The following PCNX2 variants were observed in gnomAD, a reference collection of about 807,000 sequenced individuals.
PCNX2 encodes the protein pecanex-like protein 2.
In PCNX2, 168 loss-of-function variants were observed where a neutral mutation model predicts 223.8. The observed-to-expected ratio is 0.75, with a 90% CI of 0.66 to 0.85. The LOEUF is 0.85. Ranked by LOEUF, PCNX2 falls within the 40% of genes least tolerant of loss-of-function variation. PCNX2 has a pLI of 0.00. For synonymous variants in PCNX2, 1,006 were observed against 1,052.6 expected (o/e 0.96, Z 0.86); for missense variants, 2,507 against 2,675.5 (o/e 0.94, Z 1.39).
At chr1:233,265,306 A>G (rs1660271411) in intron 1 of PCNX2, among the ~76,000 whole-genome samples, 2 of 152,086 alleles carry the variant, frequency 1.3e-5, no homozygotes, top group African/African-American at 4.8e-5. Context: ...AGGGTTTCAT[A>G]GTACTCTAGT....
intron 9 of PCNX2, among the ~76,000 whole-genome samples, chr1:233,227,782 T>A (rs1657835331): frequency 6.6e-6 from 1 of 152,168 alleles, no homozygotes; most frequent in South Asian, 2.1e-4. Context: ...ATATTCAAAT[T>A]TTACTAAGAG....
At chr1:233,300,815 T>C in the PCNX2 span, among the ~76,000 whole-genome samples, 7 of 152,180 alleles carry the variant, frequency 4.6e-5, no homozygotes, top group Admixed American at 4.6e-4. Flanking sequence ...CCCCAGCCTC[T>C]GTCTTGGTGT....
chr1:233,258,792 G>T lies in PCNX2; in HGVS notation c.1070C>A (p.Thr357Asn). Residue 357 changes from threonine (T) to asparagine (N), a missense_variant, in exon 5 of 34, where the codon ACT (threonine) becomes AAT (asparagine). Physicochemically the swap from Thr to Asn is moderately conservative, Grantham distance 65. Transcript: ENST00000258229. ...VDSSDSEVAV[T>N]LIDTSQPGDP... is the part of the protein sequence containing the mutation. ...TCCGGGTTGAGAAGTATCGATGAGA[G>T]TAACAGCTACCTCACTATCTGAGGA... The T allele has an allele frequency of 6.2e-7, 1 of 1,613,900 alleles. No individual in the cohort carries two copies. The highest frequency in any genetic ancestry group is 8.5e-7 in the Non-Finnish European group (1 of 1,179,840).
At chr1:233,218,532 G>A (rs990833767) in intron 10 of PCNX2, among the ~76,000 whole-genome samples, 1 of 152,052 alleles carries the variant, frequency 6.6e-6, no homozygotes, top group South Asian at 2.1e-4. Flanking sequence ...TTACAGGCGT[G>A]AGCCACCGTG....
chr1:233,217,833 T>C lies in PCNX2; in HGVS notation c.2691+66A>G, dbSNP rs1657071658. 7 of 1,591,172 alleles carry C rather than the reference T, an allele frequency of 4.4e-6. No individual in the cohort carries two copies. The African/African-American group carries it at 9.4e-5, about 21-fold the overall frequency. On this transcript the variant is annotated intron_variant, in intron 12 of 33. Coordinates refer to ENST00000258229, the MANE Select transcript of PCNX2 (RefSeq NM_014801.4). ...CAGACTTGGCCCTTTGACTAGATTTTGGCTTTTTCCCTGTCTTCAACACAG... is the reference window on the plus strand; with the variant it reads ...CAGACTTGGCCCTTTGACTAGATTTCGGCTTTTTCCCTGTCTTCAACACAG...
At chr1:233,213,240 C>G (rs1681917268) in intron 12 of PCNX2, among the ~76,000 whole-genome samples, 1 of 152,010 alleles carries the variant, frequency 6.6e-6, no homozygotes, top group South Asian at 2.1e-4. Context: ...TAGAATCAGA[C>G]TAATAATTTT....
At chr1:233,238,205 GC>G (rs1215887357) in intron 8 of PCNX2, among the ~76,000 whole-genome samples, 3 of 152,274 alleles carry the variant, frequency 2.0e-5, no homozygotes, top group African/African-American at 7.2e-5. Flanking sequence ...GTTACTTGTA[GC>G]CCAAATCACA....
intron 1 of PCNX2, among the ~76,000 whole-genome samples, chr1:233,269,346 G>A (rs1660511707): frequency 6.6e-6 from 1 of 152,126 alleles, no homozygotes. Flanking sequence ...AACTAGAAGG[G>A]AAAATGAGGA....
chr1:233,259,042 G>A lies in PCNX2; in HGVS notation c.820C>T (p.Gln274Ter). Residue 274 changes from glutamine (Q) to a stop codon, truncating the protein, a stop_gained, in exon 5 of 34, where the codon CAG (glutamine) becomes TAG (stop). Transcript: ENST00000258229. LOFTEE classifies it high-confidence loss of function. ...ACTGAATTCTCACTCCCCCACGGCT[G>A]GAAAGAAACGTCTGTTTCTAGTAAG... Reference protein sequence around the residue: ...YDLLETDVSFQPWGSENSVLI... With the variant: ...YDLLETDVSF 1.2e-6 allele frequency: 2 copies of A among 1,613,974 alleles called. No individual in the cohort carries two copies. The highest frequency in any genetic ancestry group is 1.7e-6 in the Non-Finnish European group (2 of 1,179,880).
At position 233,286,689 on chromosome 1, in the gene PCNX2, CAG is replaced by C. The variant is rs538935348; in HGVS notation, c.153+8635_153+8636del. 1.7e-3 allele frequency among the ~76,000 whole-genome samples: 251 copies of C among 152,106 alleles called. 1 individual carries two copies. Among genetic ancestry groups the C allele is most frequent in the Non-Finnish European group, 3.0e-3 (207 of 67,972 alleles). The stretch of plus-strand genomic sequence containing the variant: ...AGAGAGACAAGGCTGGCAAGGAGAA[CAG>C]AGTCTCTGAGGGTGTGGAAAGGCAG... On this transcript the variant is annotated intron_variant, in intron 1 of 33. Coordinates refer to ENST00000258229, the MANE Select transcript of PCNX2 (RefSeq NM_014801.4).
upstream of PCNX2, among the ~76,000 whole-genome samples, chr1:233,296,260 C>T (rs1662114899): frequency 6.6e-6 from 1 of 152,152 alleles, no homozygotes; most frequent in Non-Finnish European, 1.5e-5. Flanking sequence ...TTAATCTAAG[C>T]TCTACCTGGT....
intron 22 of PCNX2, among the ~76,000 whole-genome samples, chr1:233,093,255 A>AT (rs1280244755): frequency 2.0e-5 from 3 of 152,222 alleles, no homozygotes; most frequent in Non-Finnish European, 2.9e-5. Context: ...TGGTCTCTAC[A>AT]CATATTAAAA....
chr1:233,050,807 A>G (rs1671977953), intron 25 of PCNX2, among the ~76,000 whole-genome samples: 1 of 152,216 alleles, frequency 6.6e-6, no homozygotes, highest in African/African-American at 2.4e-5. Context: ...ATTGCAAAAA[A>G]ACAAAAATGG....
Position 233,158,593 on chromosome 1 carries a change from G to C in PCNX2, c.3517+1690C>G, listed in dbSNP as rs76443850. ...TGGTATGGGTATAGGCAAATGTGTAGGTTACAAACAGGTAAAGGTATAGAT... is the reference window on the plus strand; with the variant it reads ...TGGTATGGGTATAGGCAAATGTGTACGTTACAAACAGGTAAAGGTATAGAT... On this transcript the variant is annotated intron_variant, in intron 19 of 33. Coordinates refer to ENST00000258229, the MANE Select transcript of PCNX2 (RefSeq NM_014801.4). Among the ~76,000 whole-genome samples, 834 of 152,178 alleles carry C rather than the reference G, an allele frequency of 5.5e-3. 22 individuals carry two copies. In the East Asian group the frequency reaches 0.076, roughly 14 times the overall value.
chr1:232,988,550 T>A (rs1340529633), intron 32 of PCNX2, among the ~76,000 whole-genome samples: 1 of 152,214 alleles, frequency 6.6e-6, no homozygotes, highest in African/African-American at 2.4e-5. Flanking sequence ...ATTACCAAGT[T>A]ATGAATGTTT....
chr1:233,129,894 C>G (rs563025352), intron 21 of PCNX2, among the ~76,000 whole-genome samples: 56 of 152,300 alleles, frequency 3.7e-4, no homozygotes, highest in African/African-American at 1.3e-3. Context: ...CCAGCAGTGG[C>G]AATCTGCCAG....
At chr1:233,193,482 GT>G (rs1263716062) in intron 15 of PCNX2, among the ~76,000 whole-genome samples, 2 of 152,158 alleles carry the variant, frequency 1.3e-5, no homozygotes, top group Admixed American at 6.5e-5. Context: ...ACTTCAGACT[GT>G]AGGAAAGAAT....
At chr1:233,078,693 A>G (rs1490055705) in intron 23 of PCNX2, among the ~76,000 whole-genome samples, 1 of 152,214 alleles carries the variant, frequency 6.6e-6, no homozygotes, top group East Asian at 1.9e-4. Flanking sequence ...GCTTCCCTGC[A>G]GTCGCATGGT....
chr1:233,029,102 TGCTG>T (rs994192405), intron 25 of PCNX2, among the ~76,000 whole-genome samples: 22 of 152,214 alleles, frequency 1.4e-4, no homozygotes, highest in African/African-American at 5.3e-4. Flanking sequence ...CCTCCCAAAG[TGCTG>T]GGGTTACAGG....
Sources: gnomAD v4.1 joint callset for allele counts (sites outside exome capture counted in the v4.1 genomes callset) on GRCh38, gnomAD v4.1.1 for gene constraint, MANE v1.5 for transcripts, NCBI Gene and HGNC (gene_info 2026-07-23, HGNC 2026-07-21) for gene names.